TMEM233: variants seen among roughly 807,000 people sequenced by gnomAD.
The protein encoded by TMEM233 is transmembrane protein 233.
TMEM233 carries 6 observed loss-of-function variants against 11.2 expected under a neutral mutation model. That is an observed-to-expected ratio of 0.54 (90% CI 0.29 to 1.06). The LOEUF (loss-of-function observed/expected upper bound fraction) is 1.06. Ranked by LOEUF, TMEM233 falls within the 50% of genes least tolerant of loss-of-function variation. TMEM233 has a pLI of 0.08. For missense variants in TMEM233, 127 were observed against 144.7 expected, an observed-to-expected ratio of 0.88 and a Z score of 0.63; for synonymous variants, 59 against 55.8, an observed-to-expected ratio of 1.06 and a Z score of -0.26.
intron 1 of TMEM233, among the ~76,000 whole-genome samples, chr12:119,616,263 T>C (rs1008848901): frequency 2.0e-5 from 3 of 152,168 alleles, no homozygotes; most frequent in African/African-American, 7.2e-5. Context: ...CCTTATGAAA[T>C]ACGTGATGAG....
Position 119,630,631 on chromosome 12 carries a change from T to C in TMEM233, c.323+759T>C, listed in dbSNP as rs928222343. Among the ~76,000 whole-genome samples, 7 of 152,364 alleles carry C rather than the reference T, an allele frequency of 4.6e-5. No individual in the cohort carries two copies. The South Asian group carries it at 1.5e-3, about 32-fold the overall frequency. On this transcript the variant is annotated intron_variant, in intron 2 of 2. Transcript: ENST00000426426. ...GTTTGCCAACTTCAGATCTAGAACA[T>C]GAGGTGTCCTCAGGCAAAGGCGGGG...
chr12:119,612,183 T>C (rs555445004), intron 1 of TMEM233, among the ~76,000 whole-genome samples: 2 of 152,138 alleles, frequency 1.3e-5, no homozygotes, highest in African/African-American at 4.8e-5. Flanking sequence ...TTAGTAGAGA[T>C]GAGGTTTCAC....
the TMEM233 span, among the ~76,000 whole-genome samples, chr12:119,653,220 G>A: frequency 2.4e-4 from 37 of 151,744 alleles, 1 homozygote; most frequent in Middle Eastern, 3.4e-3. Context: ...GAGAAACCCC[G>A]TCTCTATCAA....
chr12:119,603,328 C>G (rs185492382), intron 1 of TMEM233, among the ~76,000 whole-genome samples: 8 of 152,254 alleles, frequency 5.3e-5, no homozygotes, highest in Admixed American at 2.0e-4. Flanking sequence ...CCTCCTAAGT[C>G]ATTATCCGCC....
At chr12:119,649,026 G>A in the TMEM233 span, among the ~76,000 whole-genome samples, 4 of 152,150 alleles carry the variant, frequency 2.6e-5, no homozygotes, top group Non-Finnish European at 5.9e-5. Flanking sequence ...GGCTGGGCGC[G>A]GTGGCTCATG....
the TMEM233 span, among the ~76,000 whole-genome samples, chr12:119,653,470 T>C: frequency 6.6e-6 from 1 of 150,860 alleles, no homozygotes; most frequent in East Asian, 1.9e-4. Flanking sequence ...AAAAAATAGT[T>C]AATAGAAACA....
intron 2 of TMEM233, among the ~76,000 whole-genome samples, chr12:119,630,782 G>A (rs1954863826): frequency 6.6e-6 from 1 of 152,248 alleles, no homozygotes; most frequent in Non-Finnish European, 1.5e-5. Context: ...AAATGTGGGA[G>A]AATAAATGGG....
At chr12:119,616,963 T>A (rs1856385790) in intron 1 of TMEM233, among the ~76,000 whole-genome samples, 1 of 152,212 alleles carries the variant, frequency 6.6e-6, no homozygotes, top group South Asian at 2.1e-4. Context: ...TGTGGAACTG[T>A]GAGTCAATTA....
At chr12:119,652,001 C>A in the TMEM233 span, among the ~76,000 whole-genome samples, 1 of 152,166 alleles carries the variant, frequency 6.6e-6, no homozygotes, top group South Asian at 2.1e-4. Context: ...CAATGGCATA[C>A]AACTTTTATT....
chr12:119,612,025 G>A (rs991507713), intron 1 of TMEM233, among the ~76,000 whole-genome samples: 5 of 149,956 alleles, frequency 3.3e-5, no homozygotes, highest in Non-Finnish European at 5.9e-5. Context: ...ACAGAGTCTC[G>A]CTCTGTCACC....
At chr12:119,634,846 G>T (rs774614884) in intron 2 of TMEM233, among the ~76,000 whole-genome samples, 2 of 152,258 alleles carry the variant, frequency 1.3e-5, no homozygotes, top group Middle Eastern at 3.4e-3. Flanking sequence ...GCTCTCATTC[G>T]TCCTATTTTA....
At chr12:119,615,062 C>G (rs1034246447) in intron 1 of TMEM233, among the ~76,000 whole-genome samples, 1 of 150,832 alleles carries the variant, frequency 6.6e-6, no homozygotes, top group Non-Finnish European at 1.5e-5. Context: ...TTCTTTCCCC[C>G]CTCCAGACCT....
At chr12:119,605,409 C>CTTTTTTT (rs6144897) in intron 1 of TMEM233, among the ~76,000 whole-genome samples, 7 of 93,644 alleles carry the variant, frequency 7.5e-5, no homozygotes, top group African/African-American at 2.6e-4. Flanking sequence ...TATGCCTTTC[C>CTTTTTTT]TTTTTTTTTT....
intron 1 of TMEM233, among the ~76,000 whole-genome samples, chr12:119,608,389 C>T (rs576110190): frequency 3.3e-5 from 5 of 152,314 alleles, no homozygotes; most frequent in Middle Eastern, 6.8e-3. Flanking sequence ...ACAATGTCTC[C>T]ATCACTTCAA....
At chr12:119,611,543 GATA>G (rs1566101694) in intron 1 of TMEM233, among the ~76,000 whole-genome samples, 1 of 150,276 alleles carries the variant, frequency 6.7e-6, no homozygotes, top group African/African-American at 2.4e-5. Context: ...TTGAGTTTAA[GATA>G]TATATATATA....
chr12:119,604,863 G>A (rs1954235768), intron 1 of TMEM233, among the ~76,000 whole-genome samples: 2 of 152,036 alleles, frequency 1.3e-5, no homozygotes, highest in Non-Finnish European at 2.9e-5. Flanking sequence ...CAAACTCCTG[G>A]CCTTAAGTGA....
intron 1 of TMEM233, among the ~76,000 whole-genome samples, chr12:119,596,050 G>T (rs564188459): frequency 6.6e-6 from 1 of 152,198 alleles, no homozygotes; most frequent in East Asian, 1.9e-4. Context: ...TTCCCATCCT[G>T]GAGGCCCGGA....
intron 2 of TMEM233, among the ~76,000 whole-genome samples, chr12:119,633,217 T>C (rs760917831): frequency 1.3e-5 from 2 of 152,102 alleles, no homozygotes; most frequent in Non-Finnish European, 2.9e-5. Flanking sequence ...TCCCTAACTA[T>C]AAAATGAGAA....
chr12:119,595,501 C>T lies in TMEM233; in HGVS notation c.186+1467C>T, dbSNP rs1289997546. Among the ~76,000 whole-genome samples the T allele has an allele frequency of 1.3e-5, 2 of 152,196 alleles. No individual in the cohort carries two copies. Among genetic ancestry groups the T allele is most frequent in the African/African-American group, 4.8e-5 (2 of 41,438 alleles). On this transcript the variant is annotated intron_variant, in intron 1 of 2. Coordinates refer to ENST00000426426, the MANE Select transcript of TMEM233 (RefSeq NM_001136534.3). This position sits in a 1 kb window ranked among gnomAD's most constrained non-coding sequence, Gnocchi z 4.3. Reference sequence around the variant, plus strand: ...CTGCACCGATATGAAAGCGTGCAGCCGCTGAAGTTCAGACAAGTCTGTATT... The same window carrying T: ...CTGCACCGATATGAAAGCGTGCAGCTGCTGAAGTTCAGACAAGTCTGTATT...
Sources: gnomAD v4.1 joint callset for allele counts (sites outside exome capture counted in the v4.1 genomes callset) on GRCh38, gnomAD v4.1.1 for gene constraint, Gnocchi (gnomAD v3.1) non-coding constraint, MANE v1.5 for transcripts, NCBI Gene and HGNC (gene_info 2026-07-23, HGNC 2026-07-21) for gene names.